The following DNAH8 variants were observed in gnomAD, a reference collection of about 807,000 sequenced individuals.
DNAH8 encodes the protein dynein axonemal heavy chain 8.
A neutral mutation model predicts 562.1 loss-of-function variants in DNAH8; 382 were observed. The ratio of observed to expected loss-of-function variants is 0.68; its 90% CI spans 0.63 to 0.74. The LOEUF (loss-of-function observed/expected upper bound fraction) is 0.74, where lower values mean the gene tolerates loss of function less well. Among genes scored for constraint, DNAH8 ranks in the 30% least tolerant of loss-of-function variants. The pLI is 0.00. For synonymous variants in DNAH8, 1,881 were observed against 1,919.4 expected, an observed-to-expected ratio of 0.98 and a Z score of 0.52; for missense variants, 5,203 against 5,620.4, an observed-to-expected ratio of 0.93 and a Z score of 2.37.
chr6:38,807,651 A>ACT lies in DNAH8; in HGVS notation c.3192_3193insCT (p.Asp1065LeufsTer15). On this transcript the variant is annotated frameshift_variant, in exon 24 of 93. Transcript: ENST00000327475. LOFTEE classifies it high-confidence loss of function. ...TTGCTTTTTTCTCTCATCAATTACT[A>ACT]GACAGTCTTCAAAAAGCTACACGGT... 6.4e-7 allele frequency: 1 copy of ACT among 1,567,870 alleles called. No individual in the cohort carries two copies. The highest frequency in any genetic ancestry group is 1.4e-5 in the African/African-American group (1 of 73,134).
intron 77 of DNAH8, among the ~76,000 whole-genome samples, chr6:38,937,065 GA>G (rs893560818): frequency 6.6e-6 from 1 of 152,224 alleles, no homozygotes; most frequent in Admixed American, 6.5e-5. Flanking sequence ...GGACATGGAT[GA>G]AACTGGAAAC....
At chr6:38,940,548 T>TA (rs1473137922) in intron 79 of DNAH8, among the ~76,000 whole-genome samples, 1 of 152,206 alleles carries the variant, frequency 6.6e-6, no homozygotes, top group Non-Finnish European at 1.5e-5. Context: ...AACGTGCTGT[T>TA]ATAGTCACTC....
At chr6:38,926,286 TC>T in intron 74 of DNAH8, 76 bp downstream of exon 74, 1 of 1,501,932 alleles carries the variant, frequency 6.7e-7, no homozygotes, top group Non-Finnish European at 9.0e-7. Context: ...GAATCTGCAG[TC>T]ATAAAGTTGT....
chr6:38,882,879 C>T, intron 53 of DNAH8, 31 bp from the exon 54 acceptor site: 1 of 1,458,520 alleles, frequency 6.9e-7, no homozygotes, highest in Non-Finnish European at 9.1e-7. Context: ...GAATATGGTT[C>T]TATTAAGATG....
At chr6:38,994,619 A>C (rs1016002060) in intron 88 of DNAH8, among the ~76,000 whole-genome samples, 3 of 150,754 alleles carry the variant, frequency 2.0e-5, no homozygotes, top group African/African-American at 7.3e-5. Context: ...ATAGCAATCC[A>C]GTTATCCTAT....
At chr6:38,841,320 G>A (rs576632862) in intron 33 of DNAH8, among the ~76,000 whole-genome samples, 3 of 152,260 alleles carry the variant, frequency 2.0e-5, no homozygotes, top group African/African-American at 7.2e-5. Flanking sequence ...TCGGGAGGCT[G>A]AGGCAGGGGA....
rs756006472 is a variant in DNAH8 at position 38,722,913 on chromosome 6, G to T, written c.104G>T (p.Arg35Leu). The change falls in exon 2 of 93, where the codon CGC becomes CTC. Residue 35 changes from arginine to leucine, a missense_variant. By Grantham distance (102) the Arg-to-Leu change is moderately radical. Around this residue, in one of 6 missense-constraint regions of DNAH8, gnomAD observed 556 missense variants for 496.9 expected, o/e 1.12. Transcript: ENST00000327475. ...PPRSEEEEAP[R>L]PPTVEAPAED... is the part of the protein sequence containing the mutation. ...CGTTCAGAAGAGGAAGAGGCCCCGC[G>T]CCCTCCGACAGTGGAGGCCCCGGCA... The T allele has an allele frequency of 3.7e-6, 6 of 1,612,260 alleles. No homozygotes were observed. Among genetic ancestry groups the T allele is most frequent in the Middle Eastern group, 3.3e-4 (2 of 6,054 alleles).
chr6:38,988,492 C>A (rs565242959), intron 87 of DNAH8, among the ~76,000 whole-genome samples: 5 of 152,160 alleles, frequency 3.3e-5, no homozygotes, highest in African/African-American at 9.7e-5. Flanking sequence ...TCATCCACGT[C>A]GTGAAAAATC....
At chr6:38,846,025 A>G (rs1167664066) in intron 36 of DNAH8, among the ~76,000 whole-genome samples, 2 of 151,482 alleles carry the variant, frequency 1.3e-5, no homozygotes, top group Non-Finnish European at 2.9e-5. Context: ...CCAGACTGGC[A>G]TCTTGTCCTC....
intron 68 of DNAH8, 150 bp from the exon 69 acceptor site, chr6:38,917,089 C>T (rs1781362068): frequency 1.9e-6 from 1 of 531,962 alleles, no homozygotes; most frequent in Non-Finnish European, 3.1e-6. Context: ...ACCAAAATAA[C>T]AATGAAAGAG....
In DNAH8 at chr6:38,857,753, T is replaced by C; in HGVS notation, c.5958+11T>C. On this transcript the variant is annotated intron_variant, in intron 42 of 92. Coordinates refer to ENST00000327475, the MANE Select transcript of DNAH8 (RefSeq NM_001206927.2). The stretch of plus-strand genomic sequence containing the variant: ...ATTTTTGATGACTTGGTAAGGTATC[T>C]TTTTTTTTAATTTAGTGTACTAACT... 1 of 1,436,244 alleles carries C rather than the reference T, an allele frequency of 7.0e-7. No homozygotes were observed. Among genetic ancestry groups the C allele is most frequent in the Non-Finnish European group, 9.6e-7 (1 of 1,038,258 alleles). The allele number at this position is 1,436,244 out of a possible 1,614,324, so 89.0% of individuals were successfully genotyped here.
At chr6:38,922,441 G>A (rs921533850) in intron 71 of DNAH8, among the ~76,000 whole-genome samples, 3 of 151,944 alleles carry the variant, frequency 2.0e-5, no homozygotes, top group Non-Finnish European at 4.4e-5. Flanking sequence ...CAGATACAAC[G>A]GTCTTAACCT....
At chr6:38,852,651 T>C (rs749012416) in intron 39 of DNAH8, 43 bp from the exon 40 acceptor site, 1 of 1,412,168 alleles carries the variant, frequency 7.1e-7, no homozygotes, top group Non-Finnish European at 9.9e-7. Flanking sequence ...CTCAGCGGCT[T>C]TTGTGTCCAG....
chr6:38,750,438 T>G, intron 8 of DNAH8, 38 bp from the exon 9 acceptor site: 1 of 1,409,184 alleles, frequency 7.1e-7, no homozygotes, highest in Non-Finnish European at 1.0e-6. Flanking sequence ...CTGATATATT[T>G]GGATGTTTCA....
At chr6:38,770,817 A>G (rs375146067) in intron 12 of DNAH8, among the ~76,000 whole-genome samples, 2 of 152,256 alleles carry the variant, frequency 1.3e-5, no homozygotes, top group South Asian at 4.1e-4. Context: ...TACCTATGAA[A>G]CTTCAACTTA....
chr6:38,715,960 A>ATATTTTTTTTTTTTT (rs1372342002), intron 1 of DNAH8, among the ~76,000 whole-genome samples: 2 of 23,622 alleles, frequency 8.5e-5, no homozygotes, highest in Non-Finnish European at 6.2e-5. Flanking sequence ...ATATATATAT[A>ATATTTTTTTTTTTTT]TTTTTTTTTT....
chr6:38,947,804 A>G (rs975376671), intron 80 of DNAH8, among the ~76,000 whole-genome samples: 2 of 151,716 alleles, frequency 1.3e-5, no homozygotes, highest in African/African-American at 2.4e-5. Context: ...CTGGAGTGCA[A>G]TGGCGCAATC....
In DNAH8 at chr6:38,882,261, C is replaced by CAT. The variant is rs1778555516; in HGVS notation, c.7859-646_7859-645dup. 2.0e-5 allele frequency among the ~76,000 whole-genome samples: 3 copies of CAT among 152,258 alleles called. No individual in the cohort carries two copies. The South Asian group carries it at 6.2e-4, about 32-fold the overall frequency. On this transcript the variant is annotated intron_variant, in intron 53 of 92. Transcript: ENST00000327475. The stretch of plus-strand genomic sequence containing the variant: ...ATTCTACCATAAAGACACATGCATG[C>CAT]ATATGTTCATTGCAGCACTATTCAC...
At chr6:38,923,635 T>G (rs919277569) in intron 72 of DNAH8, 9 of 190,482 alleles carry the variant, frequency 4.7e-5, no homozygotes, top group Admixed American at 1.2e-4. Flanking sequence ...AATAAAAAAA[T>G]AAAAAAATAA....
Sources: allele counts gnomAD v4.1 joint callset (sites outside exome capture counted in the v4.1 genomes callset), GRCh38; gene constraint gnomAD v4.1.1; regional missense constraint gnomAD v4.1.1; transcripts MANE v1.5; gene names NCBI Gene and HGNC (gene_info 2026-07-23, HGNC 2026-07-21).